The following FAXC variants were observed in gnomAD, a reference collection of about 807,000 sequenced individuals.
FAXC encodes the protein failed axon connections homolog.
A neutral mutation model predicts 41.9 loss-of-function variants in FAXC; 10 were observed. That is an observed-to-expected ratio of 0.24 (90% CI 0.15 to 0.41). FAXC has a LOEUF of 0.41. Among genes scored for constraint, FAXC ranks in the 10% least tolerant of loss-of-function variants. FAXC has a pLI of 1.00. For missense variants in FAXC, 399 were observed against 510.9 expected, an observed-to-expected ratio of 0.78 and a Z score of 2.11; for synonymous variants, 183 against 183.8, an observed-to-expected ratio of 1.00 and a Z score of 0.03.
At chr6:99,329,024 G>A (rs615867) in intron 3 of FAXC, among the ~76,000 whole-genome samples, 75,530 of 152,094 alleles carry the variant, frequency 0.5, 20,484 homozygotes, top group East Asian at 0.79. Context: ...TGAAGAAGGG[G>A]CTGCCACTTT....
At chr6:99,287,517 T>A (rs372900756) in intron 5 of FAXC, among the ~76,000 whole-genome samples, 2 of 152,198 alleles carry the variant, frequency 1.3e-5, no homozygotes, top group East Asian at 3.8e-4. Flanking sequence ...GAAGGAAAAC[T>A]TCATACTATT....
rs1770472651 is a variant in FAXC at position 99,273,122 on chromosome 6, A to C, written c.*8042T>G. ...CTCATAGATCCAGAAATAAACACTG[A>C]AATGCCATCTTCACATTGGGGTCAT... On this transcript the variant is annotated 3_prime_UTR_variant, in exon 6 of 6. Transcript: ENST00000389677. 1.3e-5 allele frequency: 2 copies of C among 152,178 alleles called. No individual in the cohort carries two copies. The highest frequency in any genetic ancestry group is 4.8e-5 in the African/African-American group (2 of 41,436). The allele number at this position is 152,178 out of a possible 1,614,324, so 9.4% of individuals were successfully genotyped here. A position where few individuals can be genotyped will look rare whatever the true frequency, so the allele number is the denominator to read the frequency against.
At chr6:99,321,739 G>GC (rs1372634592) in intron 4 of FAXC, among the ~76,000 whole-genome samples, 1 of 152,172 alleles carries the variant, frequency 6.6e-6, no homozygotes. Flanking sequence ...ATCGCTAAAC[G>GC]CGAGAGAAAC....
intron 4 of FAXC, among the ~76,000 whole-genome samples, chr6:99,297,675 C>T (rs1194238345): frequency 6.6e-6 from 1 of 151,880 alleles, no homozygotes; most frequent in Non-Finnish European, 1.5e-5. Context: ...TGATGCTCTC[C>T]AGACCTGGGC....
chr6:99,312,325 G>A (rs905024513), intron 4 of FAXC, among the ~76,000 whole-genome samples: 2 of 152,146 alleles, frequency 1.3e-5, no homozygotes, highest in Non-Finnish European at 2.9e-5. Flanking sequence ...GTCCAGCCTC[G>A]GTCCACTGAA....
intron 2 of FAXC, among the ~76,000 whole-genome samples, chr6:99,339,411 C>T (rs887955018): frequency 2.0e-5 from 3 of 152,152 alleles, no homozygotes; most frequent in Admixed American, 6.5e-5. Context: ...CTTTAGCCCT[C>T]GTCCAGTACA....
intron 1 of FAXC, among the ~76,000 whole-genome samples, chr6:99,345,880 G>A (rs1773573077): frequency 6.6e-6 from 1 of 152,114 alleles, no homozygotes; most frequent in Non-Finnish European, 1.5e-5. Context: ...TAGTGTGTTG[G>A]AACAATATTT....
chr6:99,345,642 A>G (rs540977291), intron 1 of FAXC, among the ~76,000 whole-genome samples: 24 of 152,250 alleles, frequency 1.6e-4, no homozygotes, highest in Non-Finnish European at 1.6e-4. Context: ...TAACGATACC[A>G]CAGATGAACA....
intron 3 of FAXC, among the ~76,000 whole-genome samples, chr6:99,330,840 C>T (rs1773002599): frequency 6.6e-6 from 1 of 152,184 alleles, no homozygotes; most frequent in Non-Finnish European, 1.5e-5. Flanking sequence ...GCCTCAGCTT[C>T]CACAGGTAGA....
At position 99,333,485 on chromosome 6, in the gene FAXC, T is replaced by C; in HGVS notation, c.465A>G (p.Glu155=). The C allele has an allele frequency of 6.2e-7, 1 of 1,614,152 alleles. No individual in the cohort carries two copies. Among genetic ancestry groups the C allele is most frequent in the African/African-American group, 1.3e-5 (1 of 75,054 alleles). The change falls in exon 3 of 6, where the codon GAA becomes GAG. Residue 155 remains glutamate, a synonymous_variant. Coordinates refer to ENST00000389677, the MANE Select transcript of FAXC (RefSeq NM_032511.4). Reference sequence around the variant, plus strand: ...TTATGAATTCTGTGCCAGAAACTTTTTCATGATTATATTCAATCCAAGGCA... The same window carrying C: ...TTATGAATTCTGTGCCAGAAACTTTCTCATGATTATATTCAATCCAAGGCA... ...GKMPWIEYNH[E]KVSGTEFIID...
chr6:99,302,521 T>C (rs1432722307), intron 4 of FAXC, among the ~76,000 whole-genome samples: 3 of 152,066 alleles, frequency 2.0e-5, no homozygotes, highest in Non-Finnish European at 4.4e-5. Flanking sequence ...CTGGGCGTGG[T>C]GGCGCATGCC....
intron 5 of FAXC, among the ~76,000 whole-genome samples, chr6:99,285,978 A>G (rs1771014666): frequency 6.6e-6 from 1 of 152,172 alleles, no homozygotes; most frequent in African/African-American, 2.4e-5. Flanking sequence ...ACAAGGCAGG[A>G]ATGTGGGTGA....
chr6:99,297,040 T>C (rs1220478763), intron 4 of FAXC, among the ~76,000 whole-genome samples: 1 of 152,204 alleles, frequency 6.6e-6, no homozygotes, highest in Non-Finnish European at 1.5e-5. Flanking sequence ...TCCTGATGGA[T>C]ATCAGCTCTC....
At chr6:99,283,666 G>A (rs985639484) in intron 5 of FAXC, among the ~76,000 whole-genome samples, 1 of 152,126 alleles carries the variant, frequency 6.6e-6, no homozygotes, top group African/African-American at 2.4e-5. Flanking sequence ...TCCCTTATGG[G>A]GACAGTCATG....
intron 3 of FAXC, 138 bp downstream of exon 3, chr6:99,333,213 C>T (rs984907523): frequency 2.8e-6 from 2 of 704,152 alleles, no homozygotes; most frequent in Non-Finnish European, 4.6e-6. Context: ...GTCATAATAA[C>T]TTTGATGACT....
In FAXC at chr6:99,349,368, T is replaced by A. The variant is rs751376857; in HGVS notation, c.5A>T (p.His2Leu). The stretch of plus-strand genomic sequence containing the variant: ...GGACGAAGCAAAGCCAACCCCCCAG[T>A]GCATGCTGCGCGGCTGGCTCCGGGC... M[H>L]WGVGFASSRP... is the part of the protein sequence containing the mutation. Residue 2 changes from histidine to leucine, a missense_variant, in exon 1 of 6, where the codon CAC becomes CTC. By Grantham distance (99) the His-to-Leu change is moderately conservative. Around this residue, in one of 3 missense-constraint regions of FAXC, gnomAD observed 68 missense variants for 63.4 expected, o/e 1.07. Coordinates refer to ENST00000389677, the MANE Select transcript of FAXC (RefSeq NM_032511.4). 4 of 1,609,210 alleles carry A rather than the reference T, an allele frequency of 2.5e-6. No homozygotes were observed.
At chr6:99,334,598 A>G (rs1483982458) in intron 2 of FAXC, 6 of 981,144 alleles carry the variant, frequency 6.1e-6, no homozygotes, top group Non-Finnish European at 7.3e-6. Flanking sequence ...AAAGATGTAA[A>G]CTTACCACAT....
At chr6:99,344,603 T>A (rs1474037263) in intron 1 of FAXC, among the ~76,000 whole-genome samples, 5 of 151,978 alleles carry the variant, frequency 3.3e-5, no homozygotes, top group African/African-American at 4.8e-5. Flanking sequence ...AAAAAAAAAA[T>A]TGCTGCTTTC....
intron 2 of FAXC, among the ~76,000 whole-genome samples, chr6:99,334,205 G>A (rs897641265): frequency 4.6e-5 from 7 of 152,126 alleles, no homozygotes; most frequent in African/African-American, 9.7e-5. Flanking sequence ...AGAGAATAAC[G>A]GGGATTTGGA....
Sources: gnomAD v4.1 joint callset for allele counts (sites outside exome capture counted in the v4.1 genomes callset) on GRCh38, gnomAD v4.1.1 for gene constraint, gnomAD v4.1.1 regional missense constraint, MANE v1.5 for transcripts, NCBI Gene and HGNC (gene_info 2026-07-23, HGNC 2026-07-21) for gene names.